The following WDSUB1 variants were observed in gnomAD, a reference collection of about 807,000 sequenced individuals.
WDSUB1 encodes the protein WD repeat, SAM and U-box domain-containing protein 1.
A neutral mutation model predicts 53.9 loss-of-function variants in WDSUB1; 49 were observed. The ratio of observed to expected loss-of-function variants is 0.91; its 90% CI spans 0.72 to 1.15. The LOEUF is 1.15. WDSUB1 is among the 50% of genes most tolerant of loss of function. The pLI, the probability that WDSUB1 is intolerant of heterozygous loss-of-function variation, is 0.00. For synonymous variants in WDSUB1, 194 were observed against 200.6 expected (o/e 0.97, Z 0.28); for missense variants, 514 against 562.0 (o/e 0.91, Z 0.86).
chr2:159,244,801 G>GTGTT (rs2060750537), intron 10 of WDSUB1, among the ~76,000 whole-genome samples: 1 of 152,074 alleles, frequency 6.6e-6, no homozygotes, highest in Non-Finnish European at 1.5e-5. Context: ...ATGGTAGTAG[G>GTGTT]TGTTTGTGGT....
In WDSUB1 at chr2:159,236,039, T is replaced by C; in HGVS notation, c.1425A>G (p.Gln475=). Reference sequence around the variant, plus strand: ...TAATACAATATCAACAATTTTACTTTTGGTGTGTCTCCAGCCATCTATTGA... The same window carrying C: ...TAATACAATATCAACAATTTTACTTCTGGTGTGTCTCCAGCCATCTATTGA... ...MAINRWLETH[Q]K is the part of the protein sequence containing the mutation. Residue 475 remains glutamine (Q), a synonymous_variant, in exon 11 of 11, where the codon CAA becomes CAG. Transcript: ENST00000359774. The C allele has an allele frequency of 1.9e-6, 3 of 1,592,726 alleles. No homozygotes were observed. Among genetic ancestry groups the C allele is most frequent in the Non-Finnish European group, 2.6e-6 (3 of 1,174,060 alleles).
chr2:159,282,956 C>A lies in WDSUB1; in HGVS notation c.114G>T (p.Ser38=), dbSNP rs1251370667. 6 of 1,614,124 alleles carry A rather than the reference C, an allele frequency of 3.7e-6. No homozygotes were observed. Among genetic ancestry groups the A allele is most frequent in the East Asian group, 2.2e-5 (1 of 44,888 alleles). The change falls in exon 2 of 11, where the codon TCG becomes TCT. Residue 38 remains serine, a synonymous_variant. Transcript: ENST00000359774. ...CSLDKTIRLY[S]LRDFTELPHS... ...GTGGCAGTTCAGTAAAGTCACGTAACGAGTACAGGCGAATTGTTTTGTCCA... is the reference window on the plus strand; with the variant it reads ...GTGGCAGTTCAGTAAAGTCACGTAAAGAGTACAGGCGAATTGTTTTGTCCA...
intron 10 of WDSUB1, among the ~76,000 whole-genome samples, chr2:159,247,920 T>A (rs1376314147): frequency 1.4e-4 from 11 of 76,014 alleles, no homozygotes; most frequent in East Asian, 9.3e-4. Flanking sequence ...AATATATATA[T>A]ATATATAAAT....
chr2:159,266,017 T>G (rs906889269), intron 5 of WDSUB1, among the ~76,000 whole-genome samples: 2 of 152,224 alleles, frequency 1.3e-5, no homozygotes, highest in African/African-American at 2.4e-5. Flanking sequence ...TGCCACTCTT[T>G]TCACTATTTA....
chr2:159,247,894 T>TATATATATATAAATATATATATATAA lies in WDSUB1; in HGVS notation c.1273+477_1273+478insTTATATATATATATTTATATATATAT, dbSNP rs1283473239. On this transcript the variant is annotated intron_variant, in intron 10 of 10. Coordinates refer to ENST00000359774, the MANE Select transcript of WDSUB1 (RefSeq NM_001128212.3). ...TAGGCCAAAATTAAATAAATATATA[T>TATATATATATAAATATATATATATAA]ATATATATATATATAAATATATATA... Among the ~76,000 whole-genome samples, 2 of 43,832 alleles carry TATATATATATAAATATATATATATAA rather than the reference T, an allele frequency of 4.6e-5. 1 individual carries two copies. The highest frequency in any genetic ancestry group is 1.1e-4 in the Non-Finnish European group (2 of 18,752). The allele number at this position is 43,832 out of a possible 152,430, so 28.8% of individuals were successfully genotyped here. A position where few individuals can be genotyped will look rare whatever the true frequency, so the allele number is the denominator to read the frequency against.
chr2:159,238,634 T>C (rs13429638), intron 10 of WDSUB1, among the ~76,000 whole-genome samples: 13,230 of 152,302 alleles, frequency 0.087, 1,309 homozygotes, highest in African/African-American at 0.23. Flanking sequence ...CAAATGTACA[T>C]GGATCGATTT....
At chr2:159,246,960 G>T (rs944374819) in intron 10 of WDSUB1, among the ~76,000 whole-genome samples, 2 of 152,116 alleles carry the variant, frequency 1.3e-5, no homozygotes, top group Non-Finnish European at 2.9e-5. Flanking sequence ...ATGGTCACGT[G>T]TGGTTTTTTT....
chr2:159,259,839 C>T lies in WDSUB1; in HGVS notation c.775G>A (p.Val259Met). Residue 259 changes from valine to methionine, a missense_variant, in exon 6 of 11, where the codon GTG (valine) becomes ATG (methionine). Physicochemically the swap from Val to Met is conservative, Grantham distance 21 (BLOSUM62 1). Coordinates refer to ENST00000359774, the MANE Select transcript of WDSUB1 (RefSeq NM_001128212.3). ...TCATATACTATGACAGACTTATCCA[C>T]TGACCTTAAAAGAAAATAAATTATA... is the stretch of plus-strand genomic sequence containing the variant. ...HDGQMLVSGSVDKSVIVYDTN... is the reference protein window; with the variant it reads ...HDGQMLVSGSMDKSVIVYDTN... 1 of 1,524,928 alleles carries T rather than the reference C, an allele frequency of 6.6e-7. No homozygotes were observed. The highest frequency in any genetic ancestry group is 1.2e-5 in the South Asian group (1 of 84,346). The allele number at this position is 1,524,928 out of a possible 1,614,324, so 94.5% of individuals were successfully genotyped here.
At chr2:159,268,998 A>C (rs2061397363) in intron 5 of WDSUB1, among the ~76,000 whole-genome samples, 1 of 152,144 alleles carries the variant, frequency 6.6e-6, no homozygotes, top group Non-Finnish European at 1.5e-5. Flanking sequence ...AAACAAACAA[A>C]CAAAACAGAA....
Position 159,248,475 on chromosome 2 carries a change from A to C in WDSUB1, c.1170T>G (p.Ile390Met). Residue 390 changes from isoleucine to methionine, a missense_variant, in exon 10 of 11, where the codon ATT becomes ATG. Transcript: ENST00000359774. ...ATTTAACCTTGGTCCTGAGCTCTTCAATTTTCCTCAGCACTTTACTACGCA... is the reference window on the plus strand; with the variant it reads ...ATTTAACCTTGGTCCTGAGCTCTTCCATTTTCCTCAGCACTTTACTACGCA... ...LGLRSKVLRKIEELRTKVKSL... is the reference protein window; with the variant it reads ...LGLRSKVLRKMEELRTKVKSL... 4 of 1,578,046 alleles carry C rather than the reference A, an allele frequency of 2.5e-6. No homozygotes were observed. Among genetic ancestry groups the C allele is most frequent in the Non-Finnish European group, 3.4e-6 (4 of 1,168,232 alleles).
At chr2:159,242,399 G>A (rs1423251976) in intron 10 of WDSUB1, among the ~76,000 whole-genome samples, 1 of 146,126 alleles carries the variant, frequency 6.8e-6, no homozygotes, top group African/African-American at 2.7e-5. Context: ...GGGTGAGGTG[G>A]CTCACACCTG....
At chr2:159,263,708 T>C (rs540370449) in intron 5 of WDSUB1, among the ~76,000 whole-genome samples, 1 of 152,212 alleles carries the variant, frequency 6.6e-6, no homozygotes. Context: ...TCTTCCTGAA[T>C]GAAAATAAGT....
At position 159,282,779 on chromosome 2, in the gene WDSUB1, G is replaced by C. The variant is rs2061694903; in HGVS notation, c.291C>G (p.Gly97=). 2 of 1,614,174 alleles carry C rather than the reference G, an allele frequency of 1.2e-6. No homozygotes were observed. The highest frequency in any genetic ancestry group is 1.7e-5 in the Admixed American group (1 of 60,022). ...AAAACTGGCAAACCCTCACAGGGCT[G>C]CCACTAGGCTGTTCCATCACTGCCA... ...QMLAVMEQPS[G]SPVRVCQFSP... The change falls in exon 2 of 11, where the codon GGC becomes GGG. Residue 97 remains glycine (G), a synonymous_variant. Transcript: ENST00000359774.
chr2:159,254,325 C>T (rs60544271), intron 9 of WDSUB1, among the ~76,000 whole-genome samples: 4,797 of 152,196 alleles, frequency 0.032, 115 homozygotes, highest in African/African-American at 0.06. Flanking sequence ...ATTGGGAGGC[C>T]GAGCTGGGAG....
At chr2:159,256,140 G>T in intron 9 of WDSUB1, 56 bp downstream of exon 9, 1 of 1,510,778 alleles carries the variant, frequency 6.6e-7, no homozygotes, top group Non-Finnish European at 8.9e-7. Flanking sequence ...AAATCCAACT[G>T]CAGAGTAATT....
chr2:159,262,373 T>C (rs1428192556), intron 5 of WDSUB1, among the ~76,000 whole-genome samples: 3 of 152,142 alleles, frequency 2.0e-5, no homozygotes, highest in Non-Finnish European at 2.9e-5. Context: ...CCTGAGTGTC[T>C]GCCCAAGGAA....
chr2:159,272,678 C>T (rs905391988), intron 4 of WDSUB1, among the ~76,000 whole-genome samples: 1 of 152,104 alleles, frequency 6.6e-6, no homozygotes, highest in Admixed American at 6.5e-5. Flanking sequence ...TAAAAAAATG[C>T]TTACAATTTT....
intron 10 of WDSUB1, among the ~76,000 whole-genome samples, chr2:159,247,310 AAAGT>A (rs758619514): frequency 4.6e-5 from 7 of 152,242 alleles, no homozygotes; most frequent in Non-Finnish European, 7.3e-5. Flanking sequence ...CAGCATATAC[AAAGT>A]AAGTCCATCA....
intron 3 of WDSUB1, among the ~76,000 whole-genome samples, chr2:159,279,243 T>G (rs1443319619): frequency 6.6e-6 from 1 of 152,222 alleles, no homozygotes; most frequent in East Asian, 1.9e-4. Context: ...CTGTACCTAT[T>G]TAAAACCAAG....
Sources: allele counts gnomAD v4.1 joint callset (sites outside exome capture counted in the v4.1 genomes callset), GRCh38; gene constraint gnomAD v4.1.1; transcripts MANE v1.5; gene names NCBI Gene and HGNC (gene_info 2026-07-23, HGNC 2026-07-21).